Variants in PANK2 observed in about 807,000 individuals in gnomAD.
The protein encoded by PANK2 is pantothenate kinase 2, mitochondrial.
In PANK2, 36 loss-of-function variants were observed where a neutral mutation model predicts 43.1. The observed-to-expected ratio is 0.84, with a 90% CI of 0.64 to 1.10. The LOEUF is 1.10. Ranked by LOEUF, PANK2 falls within the 50% of genes least tolerant of loss-of-function variation. The pLI, the probability that PANK2 is intolerant of heterozygous loss-of-function variation, is 0.00. For synonymous variants in PANK2, 281 were observed against 238.2 expected (o/e 1.18, Z -1.66); for missense variants, 576 against 593.3 (o/e 0.97, Z 0.30).
At chr20:3,893,336 T>G (rs1311951086) in intron 1 of PANK2, among the ~76,000 whole-genome samples, 1 of 152,196 alleles carries the variant, frequency 6.6e-6, no homozygotes, top group African/African-American at 2.4e-5. Context: ...TTTAAAACTT[T>G]CCCTCAACCT....
intron 6 of PANK2, chr20:3,921,146 A>G (rs1442334605): frequency 6.6e-6 from 1 of 151,916 alleles, no homozygotes; most frequent in Non-Finnish European, 1.5e-5. Flanking sequence ...GGTGTGCTGC[A>G]CCCATTAACT....
Position 3,908,332 on chromosome 20 carries a change from A to T in PANK2, c.651+54A>T, listed in dbSNP as rs2090420473. 7 of 1,420,074 alleles carry T rather than the reference A, an allele frequency of 4.9e-6. No individual in the cohort carries two copies. The Admixed American group carries it at 7.6e-5, about 15-fold the overall frequency. 88.0% of individuals were successfully genotyped at this position (1,420,074 alleles called of 1,614,324 possible). A position where few individuals can be genotyped will look rare whatever the true frequency, so the allele number is the denominator to read the frequency against. ...TATGGTAATTTGATTGTTAAAAATA[A>T]TGCCAGTAGCAAGTGGTGAAATAAT... On this transcript the variant is annotated intron_variant, in intron 2 of 6. Transcript: ENST00000610179.
At chr20:3,896,230 T>A (rs2090205608) in intron 1 of PANK2, among the ~76,000 whole-genome samples, 3 of 13,456 alleles carry the variant, frequency 2.2e-4, no homozygotes, top group Admixed American at 1.2e-3. Context: ...GCCTGGCTAA[T>A]TTTTTTTTTT....
chr20:3,907,996 CACTGCTGAAG>C lies in PANK2; in HGVS notation c.371_380del (p.Thr124LysfsTer16). The C allele has an allele frequency of 1.2e-6, 2 of 1,614,120 alleles. No homozygotes were observed. Among genetic ancestry groups the C allele is most frequent in the Non-Finnish European group, 1.7e-6 (2 of 1,180,032 alleles). On this transcript the variant is annotated frameshift_variant, in exon 2 of 7. Transcript: ENST00000610179. LOFTEE classifies it high-confidence loss of function. ...TGGTATATTTTGAACCCAAAGACAT[CACTGCTGAAG>C]AAGAAGAGGAAGAAGTGGAAAGTCT... is the stretch of plus-strand genomic sequence containing the variant.
intron 1 of PANK2, among the ~76,000 whole-genome samples, chr20:3,903,785 G>A (rs1201317435): frequency 2.0e-5 from 3 of 151,688 alleles, no homozygotes; most frequent in African/African-American, 4.8e-5. Context: ...GTGCCACCAC[G>A]CCCGGCTAAT....
intron 6 of PANK2, among the ~76,000 whole-genome samples, chr20:3,920,523 AAAAACAAACAACAACAAC>A (rs2090629737): frequency 6.6e-6 from 1 of 151,484 alleles, no homozygotes; most frequent in African/African-American, 2.4e-5. Context: ...TCTCAAAAAC[AAAAACAAACAACAACAAC>A]AAAACAAACA....
intron 1 of PANK2, among the ~76,000 whole-genome samples, chr20:3,899,254 C>T (rs1368460267): frequency 6.6e-6 from 1 of 151,566 alleles, no homozygotes; most frequent in Non-Finnish European, 1.5e-5. Flanking sequence ...TCACTGCAAC[C>T]TCCACCTCCT....
chr20:3,917,448 C>T (rs758907199), intron 5 of PANK2: 1 of 534,540 alleles, frequency 1.9e-6, no homozygotes, highest in Non-Finnish European at 3.8e-6. Flanking sequence ...CTGAGCAGGC[C>T]GAGGGGTGCC....
intron 4 of PANK2, among the ~76,000 whole-genome samples, chr20:3,913,773 C>CATATAT (rs202153863): frequency 7.8e-5 from 8 of 102,838 alleles, no homozygotes; most frequent in Admixed American, 2.0e-4. Context: ...CACACACACA[C>CATATAT]ACATATATAT....
chr20:3,912,629 T>G lies in PANK2; in HGVS notation c.1077T>G (p.Ala359=). 1 of 1,613,956 alleles carries G rather than the reference T, an allele frequency of 6.2e-7. No individual in the cohort carries two copies. Among genetic ancestry groups the G allele is most frequent in the Non-Finnish European group, 8.5e-7 (1 of 1,179,952 alleles). The stretch of plus-strand genomic sequence containing the variant: ...TTGGACTGCCAGGCTGGGCTGTGGC[T>G]TCAAGGTAAGGGGGCATGTGTGTTC... The change falls in exon 4 of 7, where the codon GCT becomes GCG. Residue 359 remains alanine, a synonymous_variant. Transcript: ENST00000610179.
intron 1 of PANK2, among the ~76,000 whole-genome samples, chr20:3,906,150 C>T (rs186752629): frequency 1.3e-3 from 202 of 152,108 alleles, no homozygotes; most frequent in Non-Finnish European, 2.6e-3. Flanking sequence ...TCAGGCTGGG[C>T]GCAGTGGTTC....
At chr20:3,904,755 A>G (rs1281699451) in intron 1 of PANK2, among the ~76,000 whole-genome samples, 1 of 151,890 alleles carries the variant, frequency 6.6e-6, no homozygotes, top group Admixed American at 6.6e-5. Context: ...TTATGATTTT[A>G]CCTCTGAGAA....
At chr20:3,909,122 T>C (rs2090430649) in intron 2 of PANK2, among the ~76,000 whole-genome samples, 1 of 152,194 alleles carries the variant, frequency 6.6e-6, no homozygotes, top group South Asian at 2.1e-4. Context: ...GATGGAGTTT[T>C]GTTCTTGTTC....
At chr20:3,918,830 A>G (rs765853872) in intron 6 of PANK2, 34 bp downstream of exon 6, 23 of 1,613,990 alleles carry the variant, frequency 1.4e-5, no homozygotes, top group Non-Finnish European at 1.9e-5. Context: ...TATATTATGT[A>G]CACAGAGGGC....
chr20:3,917,082 A>C, intron 5 of PANK2, 32 bp downstream of exon 5: 1 of 1,613,386 alleles, frequency 6.2e-7, no homozygotes, highest in Non-Finnish European at 8.5e-7. Context: ...TAATTGCTCT[A>C]AGGAAAATAC....
chr20:3,907,698 G>T (rs764042532), intron 1 of PANK2, among the ~76,000 whole-genome samples: 34 of 151,950 alleles, frequency 2.2e-4, no homozygotes, highest in Non-Finnish European at 4.6e-4. Flanking sequence ...AGAATGGTTG[G>T]GTTGGCTCAA....
At chr20:3,917,097 C>G in intron 5 of PANK2, 47 bp downstream of exon 5, 1 of 1,610,264 alleles carries the variant, frequency 6.2e-7, no homozygotes, top group Non-Finnish European at 8.5e-7. Context: ...AAATACTGAA[C>G]TTAAGTGGGC....
At chr20:3,889,860 G>A in intron 1 of PANK2, 132 bp downstream of exon 1, 1 of 1,533,446 alleles carries the variant, frequency 6.5e-7, no homozygotes, top group Non-Finnish European at 8.7e-7. Context: ...TCGTTGGTGC[G>A]TGGCCTGACA....
upstream of PANK2, chr20:3,888,976 G>GTA: frequency 1.4e-6 from 1 of 735,062 alleles, no homozygotes; most frequent in Non-Finnish European, 2.1e-6. Context: ...CTGCTGGGCT[G>GTA]GAGGAGGGCT....
Sources: allele counts gnomAD v4.1 joint callset (sites outside exome capture counted in the v4.1 genomes callset), GRCh38; gene constraint gnomAD v4.1.1; transcripts MANE v1.5; gene names NCBI Gene and HGNC (gene_info 2026-07-23, HGNC 2026-07-21).